The following DRC8 variants were observed in gnomAD, a reference collection of about 807,000 sequenced individuals.
DRC8 encodes the protein dynein regulatory complex subunit 8, also known as dynein regulatory complex protein 8.
At chr1:245,082,306 C>G in the DRC8 span, 2 of 649,422 alleles carry the variant, frequency 3.1e-6, no homozygotes, top group Non-Finnish European at 5.3e-6. Context: ...TTTCAAGCTA[C>G]TTCTGAACTG....
chr1:245,122,091 G>T, the DRC8 span: 1 of 245,362 alleles, frequency 4.1e-6, no homozygotes, highest in South Asian at 3.7e-5. Context: ...TAGAGACGGG[G>T]TTTCACCATG....
At chr1:245,067,770 C>A in the DRC8 span, among the ~76,000 whole-genome samples, 1 of 152,092 alleles carries the variant, frequency 6.6e-6, no homozygotes, top group Admixed American at 6.5e-5. Context: ...GACTTTACAT[C>A]GTTTGGAATT....
the DRC8 span, among the ~76,000 whole-genome samples, chr1:245,121,275 T>A: frequency 5.0e-4 from 76 of 152,344 alleles, 1 homozygote; most frequent in East Asian, 0.014. Context: ...ATCGTTGCTG[T>A]TCCAAGTAAC....
At chr1:245,019,732 C>G in the DRC8 span, among the ~76,000 whole-genome samples, 1 of 152,034 alleles carries the variant, frequency 6.6e-6, no homozygotes. Context: ...CACCTGAGGT[C>G]AGGAATTCAA....
chr1:244,978,971 T>TA, the DRC8 span, among the ~76,000 whole-genome samples: 2 of 152,138 alleles, frequency 1.3e-5, no homozygotes, highest in Non-Finnish European at 2.9e-5. Flanking sequence ...GAGACAATGA[T>TA]ACAATAATGT....
the DRC8 span, among the ~76,000 whole-genome samples, chr1:245,008,569 A>C: frequency 6.6e-6 from 1 of 152,124 alleles, no homozygotes; most frequent in Non-Finnish European, 1.5e-5. Flanking sequence ...GTAACTGTTC[A>C]TGCAGAAATG....
the DRC8 span, among the ~76,000 whole-genome samples, chr1:245,050,824 C>T: frequency 2.6e-5 from 4 of 151,864 alleles, no homozygotes; most frequent in Non-Finnish European, 4.4e-5. Flanking sequence ...GAGGTCAGTC[C>T]TCTTCTTTTT....
chr1:245,067,188 A>G, the DRC8 span, among the ~76,000 whole-genome samples: 1 of 152,018 alleles, frequency 6.6e-6, no homozygotes, highest in Non-Finnish European at 1.5e-5. Context: ...GTGCAGTGGC[A>G]TGATCTCGGC....
At chr1:245,094,116 C>T in the DRC8 span, among the ~76,000 whole-genome samples, 1 of 152,148 alleles carries the variant, frequency 6.6e-6, no homozygotes, top group Non-Finnish European at 1.5e-5. Context: ...TTAGGCAAAG[C>T]TCACTGTTAA....
At chr1:244,972,480 A>G in the DRC8 span, among the ~76,000 whole-genome samples, 3 of 152,114 alleles carry the variant, frequency 2.0e-5, no homozygotes, top group African/African-American at 7.2e-5. Flanking sequence ...CCTAATAATG[A>G]ATCAGTCTTC....
chr1:244,977,685 T>A, the DRC8 span, among the ~76,000 whole-genome samples: 1 of 152,076 alleles, frequency 6.6e-6, no homozygotes, highest in Non-Finnish European at 1.5e-5. Context: ...TAAAAAATAA[T>A]AATAAAAAGT....
the DRC8 span, among the ~76,000 whole-genome samples, chr1:245,056,616 G>T: frequency 6.6e-6 from 1 of 152,160 alleles, no homozygotes; most frequent in Non-Finnish European, 1.5e-5. Context: ...ATTTTTTCAA[G>T]TAAAAAAGAA....
the DRC8 span, among the ~76,000 whole-genome samples, chr1:244,971,872 G>C: frequency 6.7e-6 from 1 of 148,594 alleles, no homozygotes; most frequent in African/African-American, 2.5e-5. Context: ...GTAGGTATTA[G>C]CTTTACGAAG....
chr1:245,090,092 T>C, the DRC8 span, among the ~76,000 whole-genome samples: 4 of 152,200 alleles, frequency 2.6e-5, no homozygotes, highest in African/African-American at 9.7e-5. Context: ...TAGATTGTTG[T>C]ACCAGGGTTA....
the DRC8 span, among the ~76,000 whole-genome samples, chr1:244,982,105 A>G: frequency 7.2e-5 from 11 of 152,304 alleles, no homozygotes; most frequent in Admixed American, 2.6e-4. Context: ...ATTTAAGGAC[A>G]AGTTCTTAGG....
chr1:245,012,924 A>G, the DRC8 span, among the ~76,000 whole-genome samples: 17 of 152,214 alleles, frequency 1.1e-4, no homozygotes, highest in Non-Finnish European at 1.6e-4. Flanking sequence ...ATAAAATGCT[A>G]TGGTAATGGC....
the DRC8 span, among the ~76,000 whole-genome samples, chr1:244,998,638 A>C: frequency 6.6e-6 from 1 of 152,228 alleles, no homozygotes; most frequent in Non-Finnish European, 1.5e-5. Flanking sequence ...GTAGAAAAGG[A>C]ATTTATTAGA....
At chr1:245,119,528 G>A in the DRC8 span, among the ~76,000 whole-genome samples, 1 of 152,050 alleles carries the variant, frequency 6.6e-6, no homozygotes, top group Admixed American at 6.6e-5. Flanking sequence ...ACTGGGCATG[G>A]TGATGCATGC....
chr1:245,087,575 A>G, the DRC8 span: 1 of 1,160,646 alleles, frequency 8.6e-7, no homozygotes, highest in Non-Finnish European at 1.1e-6. Flanking sequence ...TTATTTAAAA[A>G]CTATTCTTAA....
Sources: gnomAD v4.1 joint callset for allele counts (sites outside exome capture counted in the v4.1 genomes callset) on GRCh38, gnomAD v4.1.1 for gene constraint, MANE v1.5 for transcripts, NCBI Gene and HGNC (gene_info 2026-07-23, HGNC 2026-07-21) for gene names.